Variants in ZNRF2 observed in about 807,000 individuals in gnomAD.
ZNRF2 encodes zinc and ring finger 2.
Under a neutral mutation model 20.4 loss-of-function variants are expected in ZNRF2, and 16 were observed. The ratio of observed to expected loss-of-function variants is 0.79; its 90% CI spans 0.53 to 1.19. The LOEUF (loss-of-function observed/expected upper bound fraction) is 1.19, where lower values mean the gene tolerates loss of function less well. ZNRF2 is among the 50% of genes most tolerant of loss of function. ZNRF2 has a pLI of 0.00. For missense variants in ZNRF2, 363 were observed against 332.4 expected (o/e 1.09, Z -0.72); for synonymous variants, 178 against 144.9 (o/e 1.23, Z -1.64).
chr7:30,361,996 G>GT (rs1357917130), intron 3 of ZNRF2, among the ~76,000 whole-genome samples: 1 of 152,008 alleles, frequency 6.6e-6, no homozygotes, highest in African/African-American at 2.4e-5. Flanking sequence ...TTTAAAAGCC[G>GT]TTTTTTAATA....
chr7:30,285,437 G>C lies in ZNRF2; in HGVS notation c.80G>C (p.Ser27Thr), dbSNP rs1282240144. The C allele has an allele frequency of 8.4e-7, 1 of 1,193,924 alleles. No individual in the cohort carries two copies. The highest frequency in any genetic ancestry group is 1.0e-6 in the Non-Finnish European group (1 of 954,898). The allele number at this position is 1,193,924 out of a possible 1,614,324, so 74.0% of individuals were successfully genotyped here. A position where few individuals can be genotyped will look rare whatever the true frequency, so the allele number is the denominator to read the frequency against. Reference protein sequence around the residue: ...AYSGSDLPSSSSGGANGTAGG... With the variant: ...AYSGSDLPSSTSGGANGTAGG... Reference sequence around the variant, plus strand: ...TCGGGCTCGGATCTACCTTCCAGTAGCAGCGGAGGCGCCAATGGGACCGCG... The same window carrying C: ...TCGGGCTCGGATCTACCTTCCAGTACCAGCGGAGGCGCCAATGGGACCGCG... Residue 27 changes from serine (S) to threonine (T), a missense_variant, in exon 1 of 5, where the codon AGC (serine) becomes ACC (threonine). Physicochemically the swap from Ser to Thr is moderately conservative, Grantham distance 58 (BLOSUM62 1). Around this residue, in one of 2 missense-constraint regions of ZNRF2, gnomAD observed 302 missense variants for 231.5 expected, o/e 1.30. Transcript: ENST00000323037.
intron 2 of ZNRF2, among the ~76,000 whole-genome samples, chr7:30,342,636 CT>C (rs1225526149): frequency 6.6e-6 from 1 of 152,008 alleles, no homozygotes; most frequent in African/African-American, 2.4e-5. Flanking sequence ...TTAATTTAGA[CT>C]TTTGTTTATA....
At chr7:30,324,251 T>A (rs983004894) in intron 2 of ZNRF2, among the ~76,000 whole-genome samples, 5 of 151,760 alleles carry the variant, frequency 3.3e-5, no homozygotes, top group Admixed American at 3.3e-4. Context: ...AAGGCAGATA[T>A]GGCCAGGCAC....
intron 2 of ZNRF2, among the ~76,000 whole-genome samples, chr7:30,332,383 C>T (rs190095447): frequency 1.9e-3 from 285 of 151,904 alleles, no homozygotes; most frequent in African/African-American, 6.5e-3. Context: ...AAAAAAATTT[C>T]GGTTGAGGAG....
In ZNRF2 at chr7:30,366,408, T is replaced by C. The variant is rs530801436; in HGVS notation, c.*396T>C. The C allele has an allele frequency of 3.3e-5, 5 of 152,766 alleles. No individual in the cohort carries two copies. Among genetic ancestry groups the C allele is most frequent in the African/African-American group, 1.2e-4 (5 of 41,588 alleles). The allele number at this position is 152,766 out of a possible 1,614,324, so 9.5% of individuals were successfully genotyped here. On this transcript the variant is annotated 3_prime_UTR_variant, in exon 5 of 5. Coordinates refer to ENST00000323037, the MANE Select transcript of ZNRF2 (RefSeq NM_147128.4). ...ACAACTAGTTATGTTTTGATTTGTT[T>C]TGTTTTTTAATTTGGGGTCTCTTTG...
At chr7:30,349,079 GC>G (rs1363002550) in intron 2 of ZNRF2, among the ~76,000 whole-genome samples, 2 of 152,124 alleles carry the variant, frequency 1.3e-5, no homozygotes, top group African/African-American at 4.8e-5. Flanking sequence ...GCATTTTCCA[GC>G]TTATTTCAAT....
At chr7:30,340,779 T>C (rs1026919305) in intron 2 of ZNRF2, among the ~76,000 whole-genome samples, 12 of 152,184 alleles carry the variant, frequency 7.9e-5, no homozygotes, top group Non-Finnish European at 1.5e-4. Context: ...GAGGAGTCTC[T>C]CTTTTTCTAT....
chr7:30,304,936 C>A (rs936898029), intron 1 of ZNRF2, among the ~76,000 whole-genome samples: 1 of 152,068 alleles, frequency 6.6e-6, no homozygotes, highest in South Asian at 2.1e-4. Context: ...TAAATATAAC[C>A]ATCATTAAAA....
At chr7:30,359,245 A>G (rs1331135853) in intron 3 of ZNRF2, among the ~76,000 whole-genome samples, 1 of 152,204 alleles carries the variant, frequency 6.6e-6, no homozygotes, top group Non-Finnish European at 1.5e-5. Context: ...TCTGGGATAC[A>G]CTTCTCCCCA....
chr7:30,363,703 A>G (rs1315280494), intron 4 of ZNRF2, among the ~76,000 whole-genome samples: 1 of 152,090 alleles, frequency 6.6e-6, no homozygotes, highest in Non-Finnish European at 1.5e-5. Context: ...GTTCTGCATT[A>G]TCTGAAAATG....
chr7:30,297,876 T>A lies in ZNRF2; in HGVS notation c.469+12050T>A, dbSNP rs3956686. ...TTCTCTTGAGGGATTTATTTATTTA[T>A]TTAAAGACAAGGTCTCGAGGCTCTG... On this transcript the variant is annotated intron_variant, in intron 1 of 4. Transcript: ENST00000323037. Among the ~76,000 whole-genome samples the A allele has an allele frequency of 1.8e-4, 27 of 152,178 alleles. 1 individual carries two copies. In the East Asian group the frequency reaches 4.6e-3, roughly 26 times the overall value.
At chr7:30,365,583 C>T (rs1583602041) in intron 4 of ZNRF2, among the ~76,000 whole-genome samples, 1 of 152,024 alleles carries the variant, frequency 6.6e-6, no homozygotes, top group East Asian at 1.9e-4. Context: ...TTCTTGTATA[C>T]CTTTTAATAG....
At chr7:30,321,886 A>C (rs562132473) in intron 1 of ZNRF2, among the ~76,000 whole-genome samples, 41 of 151,150 alleles carry the variant, frequency 2.7e-4, no homozygotes, top group African/African-American at 9.7e-4. Context: ...TTGTAGTTTC[A>C]TTTTTAGGGG....
At chr7:30,329,139 GT>G (rs1202060227) in intron 2 of ZNRF2, among the ~76,000 whole-genome samples, 3 of 151,998 alleles carry the variant, frequency 2.0e-5, no homozygotes, top group Non-Finnish European at 2.9e-5. Context: ...CAAATTCTTA[GT>G]TTTTTTAAAA....
At chr7:30,337,026 A>G (rs1386203772) in intron 2 of ZNRF2, among the ~76,000 whole-genome samples, 1 of 152,146 alleles carries the variant, frequency 6.6e-6, no homozygotes. Context: ...CAAATTTAAA[A>G]AGTTTATTAA....
In ZNRF2 at chr7:30,284,908, G is replaced by C. The variant is rs1443342896; in HGVS notation, c.-450G>C. 4.1e-6 allele frequency: 1 copy of C among 243,950 alleles called. No individual in the cohort carries two copies. The highest frequency in any genetic ancestry group is 8.4e-6 in the Non-Finnish European group (1 of 119,324). The allele number at this position is 243,950 out of a possible 1,614,324, so 15.1% of individuals were successfully genotyped here. A position where few individuals can be genotyped will look rare whatever the true frequency, so the allele number is the denominator to read the frequency against. On this transcript the variant is annotated 5_prime_UTR_variant, in exon 1 of 5. Transcript: ENST00000323037. ...CTGGGCGGGCGCCTCCCACTCAGCC[G>C]CCAGCCGCCGTGGGAGCCGGAGGAT...
At chr7:30,298,240 A>G (rs1474840256) in intron 1 of ZNRF2, among the ~76,000 whole-genome samples, 2 of 152,042 alleles carry the variant, frequency 1.3e-5, no homozygotes, top group East Asian at 1.9e-4. Flanking sequence ...GTATATATGT[A>G]TGTGTATGTA....
intron 1 of ZNRF2, among the ~76,000 whole-genome samples, chr7:30,308,549 C>T (rs1244240247): frequency 6.6e-6 from 1 of 152,186 alleles, no homozygotes; most frequent in Non-Finnish European, 1.5e-5. Flanking sequence ...CCGAAACAAG[C>T]TCTCCACATG....
At chr7:30,285,916 C>T (rs1165950325) in intron 1 of ZNRF2, 90 bp downstream of exon 1, 7 of 1,333,300 alleles carry the variant, frequency 5.3e-6, no homozygotes, top group East Asian at 6.2e-5. Context: ...TTCTCCTTTT[C>T]TCCTTCTGCC....
Sources: allele counts gnomAD v4.1 joint callset (sites outside exome capture counted in the v4.1 genomes callset), GRCh38; gene constraint gnomAD v4.1.1; regional missense constraint gnomAD v4.1.1; transcripts MANE v1.5; gene names NCBI Gene and HGNC (gene_info 2026-07-23, HGNC 2026-07-21).